The following SETBP1 variants were observed in gnomAD, a reference collection of about 807,000 sequenced individuals.
SETBP1 encodes the protein SET binding protein 1.
A neutral mutation model predicts 101.0 loss-of-function variants in SETBP1; 9 were observed. The ratio of observed to expected loss-of-function variants is 0.09; its 90% CI spans 0.05 to 0.16. The LOEUF is 0.16. Among genes scored for constraint, SETBP1 ranks in the 10% least tolerant of loss-of-function variants. The pLI, the probability that SETBP1 is intolerant of heterozygous loss-of-function variation, is 1.00. For missense variants in SETBP1, 1,858 were observed against 2,033.8 expected, an observed-to-expected ratio of 0.91 and a Z score of 1.66; for synonymous variants, 818 against 788.5, an observed-to-expected ratio of 1.04 and a Z score of -0.63.
intron 4 of SETBP1, among the ~76,000 whole-genome samples, chr18:44,990,765 G>A (rs911982253): frequency 2.6e-5 from 4 of 151,818 alleles, no homozygotes; most frequent in Admixed American, 2.0e-4. Flanking sequence ...ATGTAAATAG[G>A]AGTAATCAGG....
At chr18:45,004,065 T>C (rs957617415) in intron 4 of SETBP1, among the ~76,000 whole-genome samples, 1 of 152,224 alleles carries the variant, frequency 6.6e-6, no homozygotes, top group Non-Finnish European at 1.5e-5. Context: ...GCCTTTACCC[T>C]ACCCTGTAAC....
At chr18:44,898,055 A>C (rs1317696802) in intron 3 of SETBP1, among the ~76,000 whole-genome samples, 1 of 152,142 alleles carries the variant, frequency 6.6e-6, no homozygotes, top group African/African-American at 2.4e-5. Context: ...GAGGAATGGA[A>C]ACCCTGACTC....
At chr18:44,796,847 A>T (rs1162149015) in intron 2 of SETBP1, among the ~76,000 whole-genome samples, 1 of 152,182 alleles carries the variant, frequency 6.6e-6, no homozygotes, top group East Asian at 1.9e-4. Context: ...ACACACACAT[A>T]CACACACCAC....
chr18:44,719,041 G>A (rs1486485435), intron 2 of SETBP1, among the ~76,000 whole-genome samples: 1 of 152,132 alleles, frequency 6.6e-6, no homozygotes, highest in Non-Finnish European at 1.5e-5. Context: ...AAGACACATG[G>A]GGTTTTATGG....
At chr18:44,797,570 A>T (rs1472243092) in intron 2 of SETBP1, among the ~76,000 whole-genome samples, 1 of 152,136 alleles carries the variant, frequency 6.6e-6, no homozygotes, top group Non-Finnish European at 1.5e-5. Context: ...TGAGTCACAG[A>T]TGCAGGTTCA....
Position 44,951,783 on chromosome 18 carries a change from C to G in SETBP1, c.2443C>G (p.Pro815Ala). The G allele has an allele frequency of 1.9e-6, 3 of 1,614,090 alleles. No individual in the cohort carries two copies. The highest frequency in any genetic ancestry group is 1.3e-5 in the African/African-American group (1 of 75,012). Residue 815 changes from proline to alanine, a missense_variant, in exon 4 of 6, where the codon CCA becomes GCA. Physicochemically the swap from Pro to Ala is conservative, Grantham distance 27 (BLOSUM62 -1). This residue lies in a region of SETBP1 where 121 missense variants were observed against 138.0 expected (regional missense o/e 0.88). Transcript: ENST00000649279. This position sits in a 1 kb window ranked among gnomAD's most constrained non-coding sequence, Gnocchi z 7.8. ...AAATCTCCAGCCCATCAGTGCTCTT[C>G]CAACCAAAACCCAAAAGGGAATACA... is the stretch of plus-strand genomic sequence containing the variant. The part of the protein sequence containing the change: ...MPNLQPISAL[P>A]TKTQKGIHSG...
intron 4 of SETBP1, among the ~76,000 whole-genome samples, chr18:45,007,275 C>A (rs1377614508): frequency 6.6e-6 from 1 of 152,186 alleles, no homozygotes; most frequent in Admixed American, 6.5e-5. Flanking sequence ...TCTTTCATTT[C>A]TCCTGTGCAG....
intron 2 of SETBP1, among the ~76,000 whole-genome samples, chr18:44,851,536 C>T (rs1184264886): frequency 6.6e-6 from 1 of 152,228 alleles, no homozygotes; most frequent in Non-Finnish European, 1.5e-5. Flanking sequence ...CAGCATGAGC[C>T]TACACGGTCT....
chr18:44,862,230 C>G (rs2069030190), intron 2 of SETBP1, among the ~76,000 whole-genome samples: 1 of 152,086 alleles, frequency 6.6e-6, no homozygotes, highest in South Asian at 2.1e-4. Context: ...TATTAGAACC[C>G]CATCATTTAA....
intron 4 of SETBP1, among the ~76,000 whole-genome samples, chr18:45,008,067 C>T (rs1010804729): frequency 1.3e-5 from 2 of 152,152 alleles, no homozygotes; most frequent in Non-Finnish European, 2.9e-5. Flanking sequence ...CCAAAGAAAT[C>T]AACAGCCCTC....
chr18:44,772,637 C>T (rs186709778), intron 2 of SETBP1, among the ~76,000 whole-genome samples: 7 of 152,258 alleles, frequency 4.6e-5, no homozygotes, highest in African/African-American at 1.2e-4. Context: ...AATTATGTGC[C>T]GTGCTTAAGC....
chr18:44,812,029 G>C (rs1390015198), intron 2 of SETBP1, among the ~76,000 whole-genome samples: 3 of 152,198 alleles, frequency 2.0e-5, no homozygotes, highest in Non-Finnish European at 4.4e-5. Context: ...GGTGGCCTGA[G>C]CAGCTGCCCC....
intron 2 of SETBP1, among the ~76,000 whole-genome samples, chr18:44,855,686 C>T (rs1406150088): frequency 6.6e-6 from 1 of 152,194 alleles, no homozygotes; most frequent in Non-Finnish European, 1.5e-5. Context: ...AAATGCCTCA[C>T]AATGGTGATT....
intron 3 of SETBP1, among the ~76,000 whole-genome samples, chr18:44,895,902 C>T (rs2069891948): frequency 6.6e-6 from 1 of 152,070 alleles, no homozygotes; most frequent in Non-Finnish European, 1.5e-5. Context: ...TGAAAACCTT[C>T]TTAAAGGGGA....
At chr18:44,745,623 C>G (rs2070223218) in intron 2 of SETBP1, among the ~76,000 whole-genome samples, 1 of 152,212 alleles carries the variant, frequency 6.6e-6, no homozygotes, top group Non-Finnish European at 1.5e-5. Flanking sequence ...GTGAAAAATA[C>G]AGCCAGAAGC....
At chr18:44,859,973 C>CT (rs1268327428) in intron 2 of SETBP1, among the ~76,000 whole-genome samples, 1 of 152,180 alleles carries the variant, frequency 6.6e-6, no homozygotes, top group Non-Finnish European at 1.5e-5. Context: ...AGGAGCAGAG[C>CT]TTTTGACTTC....
intron 1 of SETBP1, among the ~76,000 whole-genome samples, chr18:44,685,152 C>T (rs1355278067): frequency 1.3e-5 from 2 of 152,126 alleles, no homozygotes; most frequent in Admixed American, 1.3e-4. Context: ...GCAAAGCCAG[C>T]TGAGCTGACC....
At chr18:45,026,466 C>T (rs2073166630) in intron 4 of SETBP1, among the ~76,000 whole-genome samples, 1 of 152,190 alleles carries the variant, frequency 6.6e-6, no homozygotes, top group Non-Finnish European at 1.5e-5. Context: ...AGCTTTCTTC[C>T]ACCCTTAACC....
At chr18:44,706,982 G>C (rs2069233798) in intron 2 of SETBP1, among the ~76,000 whole-genome samples, 1 of 152,192 alleles carries the variant, frequency 6.6e-6, no homozygotes, top group Non-Finnish European at 1.5e-5. Flanking sequence ...GATTTCTTGA[G>C]CTACATGGCA....
Sources: gnomAD v4.1 joint callset for allele counts (sites outside exome capture counted in the v4.1 genomes callset) on GRCh38, gnomAD v4.1.1 for gene constraint, gnomAD v4.1.1 regional missense constraint, Gnocchi (gnomAD v3.1) non-coding constraint, MANE v1.5 for transcripts, NCBI Gene and HGNC (gene_info 2026-07-23, HGNC 2026-07-21) for gene names.